Variants in PIKFYVE observed in about 807,000 individuals in gnomAD.
PIKFYVE encodes 1-phosphatidylinositol 3-phosphate 5-kinase.
In PIKFYVE, 122 loss-of-function variants were observed where a neutral mutation model predicts 257.9. That is an observed-to-expected ratio of 0.47 (90% CI 0.41 to 0.55). The LOEUF is 0.55. PIKFYVE is among the 20% of genes least tolerant of loss of function. PIKFYVE has a pLI of 0.00. For synonymous variants in PIKFYVE, 892 were observed against 868.9 expected (o/e 1.03, Z -0.47); for missense variants, 2,160 against 2,536.6 (o/e 0.85, Z 3.19).
chr2:208,303,654 G>A (rs186807228), intron 10 of PIKFYVE, among the ~76,000 whole-genome samples: 98 of 152,258 alleles, frequency 6.4e-4, no homozygotes, highest in Non-Finnish European at 9.7e-4. Context: ...GGTAGCAGAG[G>A]CAGAAGAAAA....
Position 208,339,403 on chromosome 2 carries a change from T to G in PIKFYVE, c.4673-15T>G, listed in dbSNP as rs374153935. Reference sequence around the variant, plus strand: ...TGTATGTAAATGACTCATTTAAGATTGTGTTTTTCTTTAGAGGATCGCTTC... The same window carrying G: ...TGTATGTAAATGACTCATTTAAGATGGTGTTTTTCTTTAGAGGATCGCTTC... On this transcript the variant is annotated splice_polypyrimidine_tract_variant and intron_variant, in intron 29 of 41. Coordinates refer to ENST00000264380, the MANE Select transcript of PIKFYVE (RefSeq NM_015040.4). 43 of 1,613,648 alleles carry G rather than the reference T, an allele frequency of 2.7e-5. No homozygotes were observed. Among genetic ancestry groups the G allele is most frequent in the Non-Finnish European group, 3.1e-5 (37 of 1,179,670 alleles).
intron 3 of PIKFYVE, chr2:208,274,129 C>T: frequency 6.9e-7 from 1 of 1,448,186 alleles, no homozygotes; most frequent in Non-Finnish European, 9.6e-7. Context: ...ATGCCTCTGG[C>T]TGCAGAACTC....
rs530046315 is a variant in PIKFYVE at position 208,318,630 on chromosome 2, C to T, written c.2082+689C>T. ...AAATTCTCATTCAGTAGGTTAAGGG[C>T]AATGGGAGTGTATGGATGTTAGGGA... is the stretch of plus-strand genomic sequence containing the variant. On this transcript the variant is annotated intron_variant, in intron 16 of 41. Transcript: ENST00000264380. Among the ~76,000 whole-genome samples the T allele has an allele frequency of 6.8e-4, 104 of 152,222 alleles. 1 individual carries two copies. Among genetic ancestry groups the T allele is most frequent in the Middle Eastern group, 3.4e-3 (1 of 294 alleles).
chr2:208,353,902 T>G lies in PIKFYVE; in HGVS notation c.5849T>G (p.Phe1950Cys). 1 of 1,613,764 alleles carries G rather than the reference T, an allele frequency of 6.2e-7. No individual in the cohort carries two copies. Among genetic ancestry groups the G allele is most frequent in the Non-Finnish European group, 8.5e-7 (1 of 1,179,846 alleles). ...AAAGCATTTTCTTTTTACTAGGTTT[T>G]TGATTTGAAGGGCTCTCTTAGGAAT... ...LFYGRKMAQV[F>C]DLKGSLRNRN... is the part of the protein sequence containing the mutation. The change falls in exon 40 of 42, where the codon TTT (phenylalanine) becomes TGT (cysteine). Residue 1950 changes from phenylalanine to cysteine, a missense_variant. By Grantham distance (205) the Phe-to-Cys change is radical. Coordinates refer to ENST00000264380, the MANE Select transcript of PIKFYVE (RefSeq NM_015040.4).
chr2:208,303,373 A>G (rs1023717089), intron 10 of PIKFYVE, among the ~76,000 whole-genome samples: 4 of 152,042 alleles, frequency 2.6e-5, no homozygotes, highest in African/African-American at 9.7e-5. Context: ...CGGATGTTTG[A>G]CTTCCCCAAA....
rs747246214 is a variant in PIKFYVE at position 208,335,847 on chromosome 2, T to C, written c.4311T>C (p.Asp1437=). The C allele has an allele frequency of 6.2e-7, 1 of 1,613,158 alleles. No homozygotes were observed. Among genetic ancestry groups the C allele is most frequent in the South Asian group, 1.1e-5 (1 of 90,944 alleles). ...AAAGACTTGCATCTTTGAAAACTGA[T>C]ACATTTAGTAAAACAAGAGAGGAAA... The part of the protein sequence containing the change: ...IDERLASLKT[D]TFSKTREEKM... Residue 1437 remains aspartate (D), a synonymous_variant, in exon 26 of 42, where the codon GAT becomes GAC. Coordinates refer to ENST00000264380, the MANE Select transcript of PIKFYVE (RefSeq NM_015040.4).
chr2:208,349,952 A>G, intron 35 of PIKFYVE, 72 bp from the exon 36 acceptor site: 1 of 1,580,700 alleles, frequency 6.3e-7, no homozygotes, highest in Non-Finnish European at 8.6e-7. Context: ...TACATCAAGG[A>G]AAAAGGAAAG....
In PIKFYVE at chr2:208,329,914, G is replaced by T. The variant is rs1157313326; in HGVS notation, c.3791+1G>T. 1.9e-6 allele frequency: 3 copies of T among 1,610,040 alleles called. No individual in the cohort carries two copies. The highest frequency in any genetic ancestry group is 1.1e-5 in the South Asian group (1 of 91,002). ...TATTTTTAGAGAGATACTGTTTCAG[G>T]TAAGAACATATTTCTTCCTTCTGTT... On this transcript the variant is annotated splice_donor_variant, in intron 22 of 41. Coordinates refer to ENST00000264380, the MANE Select transcript of PIKFYVE (RefSeq NM_015040.4). LOFTEE classifies it high-confidence loss of function.
chr2:208,338,272 ATTAT>A (rs1698359546), intron 28 of PIKFYVE, among the ~76,000 whole-genome samples: 2 of 152,094 alleles, frequency 1.3e-5, no homozygotes. Flanking sequence ...TAATGGGTTT[ATTAT>A]TTATAAATGA....
chr2:208,328,507 A>C (rs1697189157), intron 21 of PIKFYVE, among the ~76,000 whole-genome samples: 1 of 152,196 alleles, frequency 6.6e-6, no homozygotes, highest in African/African-American at 2.4e-5. Context: ...AAAAAGTGTG[A>C]GGGATAGAAG....
rs191728488 is a variant in PIKFYVE at position 208,322,768 on chromosome 2, A to T, written c.2191-1374A>T. Among the ~76,000 whole-genome samples the T allele has an allele frequency of 1.3e-3, 192 of 151,756 alleles. 1 individual carries two copies. Among genetic ancestry groups the T allele is most frequent in the Admixed American group, 0.011 (174 of 15,222 alleles). Reference sequence around the variant, plus strand: ...ATGTGCAGGTTTGTTACATATGTATACATATGCCATGTTCATGTGTTGCAC... The same window carrying T: ...ATGTGCAGGTTTGTTACATATGTATTCATATGCCATGTTCATGTGTTGCAC... On this transcript the variant is annotated intron_variant, in intron 17 of 41. Coordinates refer to ENST00000264380, the MANE Select transcript of PIKFYVE (RefSeq NM_015040.4).
intron 12 of PIKFYVE, chr2:208,305,327 A>C: frequency 8.1e-7 from 1 of 1,231,450 alleles, no homozygotes; most frequent in Non-Finnish European, 1.0e-6. Flanking sequence ...CATTTATAAC[A>C]TGGATGTTCT....
chr2:208,312,083 T>G (rs12624141), intron 12 of PIKFYVE, among the ~76,000 whole-genome samples, 153 bp from the exon 13 acceptor site: 149,950 of 152,314 alleles, frequency 0.98, 73,847 homozygotes, highest in East Asian at 1. Context: ...GAGGCATTTT[T>G]ACCCAAAGCT....
chr2:208,269,132 A>G (rs1689077905), intron 1 of PIKFYVE, among the ~76,000 whole-genome samples: 1 of 152,164 alleles, frequency 6.6e-6, no homozygotes, highest in Non-Finnish European at 1.5e-5. Context: ...GATGGTAGCT[A>G]TGATTTTGAA....
rs1228043539 is a variant in PIKFYVE, at chr2:208,356,825, A to T, written c.*1520A>T. ...TTTTTGTAACAAGGATAATTTAGGG[A>T]TTTATAAAGTTGTAAGGATTTCACT... is the stretch of plus-strand genomic sequence containing the variant. On this transcript the variant is annotated 3_prime_UTR_variant, in exon 42 of 42. Coordinates refer to ENST00000264380, the MANE Select transcript of PIKFYVE (RefSeq NM_015040.4). 1 of 152,628 alleles carries T rather than the reference A, an allele frequency of 6.6e-6. No individual in the cohort carries two copies. The highest frequency in any genetic ancestry group is 1.5e-5 in the Non-Finnish European group (1 of 68,030). The allele number at this position is 152,628 out of a possible 1,614,324, so 9.5% of individuals were successfully genotyped here.
chr2:208,266,516 A>G (rs549746634), intron 1 of PIKFYVE, 101 bp downstream of exon 1: 7 of 152,744 alleles, frequency 4.6e-5, no homozygotes, highest in African/African-American at 1.7e-4. Flanking sequence ...AGTGAGAACC[A>G]GGGCTCCGCA....
Position 208,336,887 on chromosome 2 carries a change from C to T in PIKFYVE, c.4570C>T (p.Pro1524Ser). ...QEKGRKRPSV[P>S]PSPGRLRQGE... ...AAAGGGTAGAAAGAGACCTTCAGTTCCTCCAAGTCCTGGAAGACTGAGACA... is the reference window on the plus strand; with the variant it reads ...AAAGGGTAGAAAGAGACCTTCAGTTTCTCCAAGTCCTGGAAGACTGAGACA... The change falls in exon 28 of 42, where the codon CCT (proline) becomes TCT (serine). Residue 1524 changes from proline (P) to serine (S), a missense_variant. Around this residue, in one of 12 missense-constraint regions of PIKFYVE, gnomAD observed 699 missense variants for 855.8 expected, o/e 0.82. Coordinates refer to ENST00000264380, the MANE Select transcript of PIKFYVE (RefSeq NM_015040.4). The T allele has an allele frequency of 1.2e-6, 2 of 1,613,004 alleles. No homozygotes were observed. The highest frequency in any genetic ancestry group is 1.7e-6 in the Non-Finnish European group (2 of 1,179,426).
intron 23 of PIKFYVE, among the ~76,000 whole-genome samples, chr2:208,332,904 G>GT (rs1424298235): frequency 9.9e-5 from 15 of 151,970 alleles, no homozygotes; most frequent in African/African-American, 3.6e-4. Flanking sequence ...TCTTTTCCCA[G>GT]TTTTCTGCAG....
At chr2:208,328,916 A>G (rs1173493539) in intron 21 of PIKFYVE, among the ~76,000 whole-genome samples, 1 of 152,204 alleles carries the variant, frequency 6.6e-6, no homozygotes, top group African/African-American at 2.4e-5. Flanking sequence ...TTGACACACA[A>G]AAAGCTTGTT....
Sources: allele counts gnomAD v4.1 joint callset (sites outside exome capture counted in the v4.1 genomes callset), GRCh38; gene constraint gnomAD v4.1.1; regional missense constraint gnomAD v4.1.1; transcripts MANE v1.5; gene names NCBI Gene and HGNC (gene_info 2026-07-23, HGNC 2026-07-21).